PTGIR: variants seen among roughly 807,000 people sequenced by gnomAD.
PTGIR encodes prostaglandin I2 receptor.
In PTGIR, 16 loss-of-function variants were observed where a neutral mutation model predicts 17.6. The ratio of observed to expected loss-of-function variants is 0.91; its 90% CI spans 0.61 to 1.38. The LOEUF is 1.38. Among genes scored for constraint, PTGIR ranks in the 40% most tolerant of loss-of-function variants. The pLI, the probability that PTGIR is intolerant of heterozygous loss-of-function variation, is 0.00. For missense variants in PTGIR, 532 were observed against 548.6 expected, an observed-to-expected ratio of 0.97 and a Z score of 0.30; for synonymous variants, 274 against 255.4, an observed-to-expected ratio of 1.07 and a Z score of -0.69.
Position 46,621,562 on chromosome 19 carries a change from G to C in PTGIR, c.879C>G (p.Ile293Met). 1 of 1,614,124 alleles carries C rather than the reference G, an allele frequency of 6.2e-7. No homozygotes were observed. Among genetic ancestry groups the C allele is most frequent in the Non-Finnish European group, 8.5e-7 (1 of 1,180,050 alleles). Residue 293 changes from isoleucine to methionine, a missense_variant, in exon 3 of 3, where the codon ATC becomes ATG. Physicochemically the swap from Ile to Met is conservative, Grantham distance 10 (BLOSUM62 1). Coordinates refer to ENST00000291294, the MANE Select transcript of PTGIR (RefSeq NM_000960.4). This position sits in a 1 kb window ranked among gnomAD's most constrained non-coding sequence, Gnocchi z 4.8. Reference sequence around the variant, plus strand: ...GCTGGAAGACAGCCTTGCGGAAAAGGATGAAGACCCAGGGGTCCAGGATGG... The same window carrying C: ...GCTGGAAGACAGCCTTGCGGAAAAGCATGAAGACCCAGGGGTCCAGGATGG... ...FNPILDPWVFILFRKAVFQRL... is the reference protein window; with the variant it reads ...FNPILDPWVFMLFRKAVFQRL...
the PTGIR span, among the ~76,000 whole-genome samples, chr19:46,612,922 G>A: frequency 9.2e-3 from 1,389 of 151,664 alleles, 22 homozygotes; most frequent in African/African-American, 0.032. Context: ...TTGGAGCAGC[G>A]ATTTAACTTC....
chr19:46,613,259 T>G, the PTGIR span, among the ~76,000 whole-genome samples: 29 of 151,490 alleles, frequency 1.9e-4, no homozygotes. Context: ...GCCAGGCTGG[T>G]CTCTAATTCC....
chr19:46,624,606 T>A (rs1457755819), intron 1 of PTGIR: 1 of 171,774 alleles, frequency 5.8e-6, no homozygotes, highest in African/African-American at 2.4e-5. Context: ...AGGCGTCCAC[T>A]ACCACGCCCA....
chr19:46,614,381 G>T, the PTGIR span: 1 of 985,274 alleles, frequency 1.0e-6, no homozygotes, highest in Non-Finnish European at 1.2e-6. Context: ...TGTGTGCGCC[G>T]GTGTTTAAGT....
the PTGIR span, among the ~76,000 whole-genome samples, chr19:46,611,321 GCAGGCC>G: frequency 6.6e-6 from 1 of 152,190 alleles, no homozygotes; most frequent in Non-Finnish European, 1.5e-5. Context: ...GAAGGCAGGG[GCAGGCC>G]CTGCAGTGGG....
rs1302581755 is a variant in PTGIR at position 46,623,457 on chromosome 19, C to G, written c.768+1G>C. The G allele has an allele frequency of 3.2e-6, 5 of 1,548,876 alleles. No homozygotes were observed. The highest frequency in any genetic ancestry group is 1.9e-5 in the Admixed American group (1 of 52,412). On this transcript the variant is annotated splice_donor_variant, in intron 2 of 2. Transcript: ENST00000291294. LOFTEE classifies it high-confidence loss of function. ...TCCTCCCAGCTCCGGAGGGGACTCA[C>G]CGTGAGAGGCAGGGAGCACACGGCC... is the stretch of plus-strand genomic sequence containing the variant.
Position 46,623,707 on chromosome 19 carries a change from G to T in PTGIR, c.519C>A (p.Arg173=). The T allele has an allele frequency of 6.3e-7, 1 of 1,576,542 alleles. No homozygotes were observed. The highest frequency in any genetic ancestry group is 1.8e-5 in the Admixed American group (1 of 55,846). ...CGCCGCCCGGCTGGGCCCAGCGCAT[G>T]CGGAGGAAGCACCAGCTGCCGGGGC... ...QYCPGSWCFL[R]MRWAQPGGAA... The change falls in exon 2 of 3, where the codon CGC becomes CGA. Residue 173 remains arginine, a synonymous_variant. Transcript: ENST00000291294.
chr19:46,624,133 G>C lies in PTGIR; in HGVS notation c.93C>G (p.Asn31Lys). 2 of 1,535,452 alleles carry C rather than the reference G, an allele frequency of 1.3e-6. No individual in the cohort carries two copies. Among genetic ancestry groups the C allele is most frequent in the Non-Finnish European group, 1.7e-6 (2 of 1,147,706 alleles). The part of the protein sequence containing the change: ...TLMFVAGVVG[N>K]GLALGILSAR... ...CGCTCAGGATGCCCAGGGCCAGCCC[G>C]TTGCCCACCACACCGGCCACGAACA... The change falls in exon 2 of 3, where the codon AAC (asparagine) becomes AAG (lysine). Residue 31 changes from asparagine to lysine, a missense_variant. Asn to Lys is a moderately conservative substitution (Grantham distance 94). Coordinates refer to ENST00000291294, the MANE Select transcript of PTGIR (RefSeq NM_000960.4).
downstream of PTGIR, among the ~76,000 whole-genome samples, chr19:46,616,302 G>A (rs1971961211): frequency 6.7e-6 from 1 of 148,664 alleles, no homozygotes; most frequent in South Asian, 2.1e-4. Flanking sequence ...GCCCCAAGTT[G>A]GAGGTGTAAG....
intron 2 of PTGIR, chr19:46,622,313 C>T: frequency 1.0e-6 from 1 of 985,352 alleles, no homozygotes; most frequent in South Asian, 4.7e-5. Context: ...GGAGATCAGG[C>T]TCTACAATGG....
chr19:46,616,241 T>G (rs1971959845), downstream of PTGIR, among the ~76,000 whole-genome samples: 1 of 151,272 alleles, frequency 6.6e-6, no homozygotes, highest in Non-Finnish European at 1.5e-5. Flanking sequence ...CTCAAGGTAA[T>G]GTATGTTGAG....
the PTGIR span, among the ~76,000 whole-genome samples, chr19:46,613,067 G>A: frequency 3.0e-5 from 3 of 100,282 alleles, no homozygotes; most frequent in Middle Eastern, 0.021. Flanking sequence ...TTTTGAGATG[G>A]AGTCTCACTC....
At position 46,623,934 on chromosome 19, in the gene PTGIR, C is replaced by A; in HGVS notation, c.292G>T (p.Ala98Ser). 1 of 1,597,858 alleles carries A rather than the reference C, an allele frequency of 6.3e-7. No homozygotes were observed. The highest frequency in any genetic ancestry group is 2.3e-5 in the East Asian group (1 of 44,024). Residue 98 changes from alanine (A) to serine (S), a missense_variant, in exon 2 of 3, where the codon GCC (alanine) becomes TCC (serine). Ala to Ser is a moderately conservative substitution (Grantham distance 99). Coordinates refer to ENST00000291294, the MANE Select transcript of PTGIR (RefSeq NM_000960.4). ...GACGCCAGGCCGAAGAAGGTCATGGCGAAGGCGAAGGCATCGCACAGGGCG... is the reference window on the plus strand; with the variant it reads ...GACGCCAGGCCGAAGAAGGTCATGGAGAAGGCGAAGGCATCGCACAGGGCG... ...GPALCDAFAFAMTFFGLASML... is the reference protein window; with the variant it reads ...GPALCDAFAFSMTFFGLASML...
chr19:46,620,447 C>G (rs1972042181), downstream of PTGIR: 1 of 985,342 alleles, frequency 1.0e-6, no homozygotes, highest in Non-Finnish European at 1.2e-6. Context: ...GGTGAGGGCT[C>G]TAAGGACACA....
At chr19:46,624,484 T>G (rs2052779852) in intron 1 of PTGIR, 1 of 401,148 alleles carries the variant, frequency 2.5e-6, no homozygotes, top group Non-Finnish European at 4.4e-6. Flanking sequence ...AGACAGAGTC[T>G]CACTCTGTTG....
downstream of PTGIR, among the ~76,000 whole-genome samples, chr19:46,617,115 G>T (rs1220888384): frequency 6.6e-6 from 1 of 152,254 alleles, no homozygotes; most frequent in Non-Finnish European, 1.5e-5. Flanking sequence ...AAATGTCACG[G>T]CCTCTTTGAG....
At chr19:46,615,974 G>GT (rs1473985253), downstream of PTGIR, among the ~76,000 whole-genome samples, 2 of 151,846 alleles carry the variant, frequency 1.3e-5, no homozygotes, top group Non-Finnish European at 2.9e-5. Context: ...GCTAATTTTT[G>GT]TATTTTCTGT....
At position 46,620,937 on chromosome 19, in the gene PTGIR, A is replaced by G. The variant is rs1234667187; in HGVS notation, c.*343T>C. 6 of 1,017,702 alleles carry G rather than the reference A, an allele frequency of 5.9e-6. No homozygotes were observed. In the African/African-American group the frequency reaches 8.5e-5, roughly 14 times the overall value. 63.0% of individuals were successfully genotyped at this position (1,017,702 alleles called of 1,614,324 possible). On this transcript the variant is annotated 3_prime_UTR_variant, in exon 3 of 3. Transcript: ENST00000291294. ...GACGCAGATTGGAGCCAGCACCCAG[A>G]CCAGAGCAGACCTGACTGTACAGAA... is the stretch of plus-strand genomic sequence containing the variant.
chr19:46,618,533 A>G (rs567755543), downstream of PTGIR, among the ~76,000 whole-genome samples: 1 of 151,654 alleles, frequency 6.6e-6, no homozygotes, highest in South Asian at 2.1e-4. Context: ...TCCTGGGCTC[A>G]GGGGATCCTC....
Sources: gnomAD v4.1 joint callset for allele counts (sites outside exome capture counted in the v4.1 genomes callset) on GRCh38, gnomAD v4.1.1 for gene constraint, Gnocchi (gnomAD v3.1) non-coding constraint, MANE v1.5 for transcripts, NCBI Gene and HGNC (gene_info 2026-07-23, HGNC 2026-07-21) for gene names.